EMP2: variants seen among roughly 807,000 people sequenced by gnomAD.
EMP2 encodes epithelial membrane protein 2.
In EMP2, 19 loss-of-function variants were observed where a neutral mutation model predicts 13.7. That is an observed-to-expected ratio of 1.38 (90% confidence interval 0.97 to 2.03). EMP2 has a LOEUF of 2.03. Ranked by LOEUF, EMP2 falls within the 30% of genes most tolerant of loss-of-function variation. EMP2 has a pLI of 0.00. For synonymous variants in EMP2, 97 were observed against 84.7 expected, an observed-to-expected ratio of 1.15 and a Z score of -0.80; for missense variants, 253 against 220.7, an observed-to-expected ratio of 1.15 and a Z score of -0.93.
At chr16:10,570,507 C>G (rs1173697771) in intron 1 of EMP2, among the ~76,000 whole-genome samples, 2 of 152,202 alleles carry the variant, frequency 1.3e-5, no homozygotes. Context: ...AAGCAATTCT[C>G]CTGCCTCAGC....
At chr16:10,553,986 ATCTTCAGAGGG>A (rs2050808562) in intron 1 of EMP2, among the ~76,000 whole-genome samples, 1 of 151,122 alleles carries the variant, frequency 6.6e-6, no homozygotes, top group African/African-American at 2.4e-5. Context: ...GTCAGCCCTG[ATCTTCAGAGGG>A]TCTTCAGACA....
chr16:10,529,391 T>C lies in EMP2; in HGVS notation c.*3514A>G, dbSNP rs964359334. ...ATTTCTTTCCAACTTCCCAAATGCA[T>C]GTCATACAGCAGGGAAGAGGCATCT... On this transcript the variant is annotated 3_prime_UTR_variant, in exon 5 of 5. Transcript: ENST00000359543. 1 of 152,156 alleles carries C rather than the reference T, an allele frequency of 6.6e-6. No individual in the cohort carries two copies. The highest frequency in any genetic ancestry group is 2.4e-5 in the African/African-American group (1 of 41,452). 9.4% of individuals were successfully genotyped at this position (152,156 alleles called of 1,614,324 possible).
Position 10,537,951 on chromosome 16 carries a change from G to T in EMP2, c.293C>A (p.Thr98Asn). The change falls in exon 4 of 5, where the codon ACC (threonine) becomes AAC (asparagine). Residue 98 changes from threonine to asparagine, a missense_variant. Coordinates refer to ENST00000359543, the MANE Select transcript of EMP2 (RefSeq NM_001424.6). ...RLKQGERFVL[T>N]SIIQLMSCLC... ...ACATGACATTAGCTGGATGATGGAG[G>T]TTAGGACAAACCTCTCTCCCTGCTT... is the stretch of plus-strand genomic sequence containing the variant. 6.2e-7 allele frequency: 1 copy of T among 1,614,136 alleles called. No individual in the cohort carries two copies. Among genetic ancestry groups the T allele is most frequent in the Non-Finnish European group, 8.5e-7 (1 of 1,180,026 alleles).
chr16:10,543,514 T>G, intron 3 of EMP2, 56 bp downstream of exon 3: 1 of 1,592,442 alleles, frequency 6.3e-7, no homozygotes, highest in Middle Eastern at 1.7e-4. Flanking sequence ...GCCTCACTCC[T>G]GACCGTTCCT....
intron 3 of EMP2, among the ~76,000 whole-genome samples, chr16:10,543,308 T>C (rs1004623249): frequency 5.9e-5 from 9 of 152,380 alleles, no homozygotes; most frequent in African/African-American, 2.2e-4. Context: ...AACTCGGCTG[T>C]GCCAAGAGGC....
intron 1 of EMP2, among the ~76,000 whole-genome samples, chr16:10,578,613 C>A (rs980281969): frequency 1.3e-5 from 2 of 152,224 alleles, no homozygotes; most frequent in African/African-American, 4.8e-5. Context: ...ACGCTTCCGC[C>A]TGGCCCTGCC....
intron 1 of EMP2, among the ~76,000 whole-genome samples, chr16:10,556,844 T>A (rs7186843): frequency 1.3e-5 from 2 of 152,188 alleles, no homozygotes; most frequent in Non-Finnish European, 2.9e-5. Context: ...GGCATTTTTA[T>A]ACGACTCTCT....
chr16:10,551,442 C>T (rs1326801037), intron 1 of EMP2, among the ~76,000 whole-genome samples: 7 of 152,222 alleles, frequency 4.6e-5, no homozygotes, highest in African/African-American at 7.2e-5. Flanking sequence ...AGTCTTGCTC[C>T]GTTGCCCAGG....
intron 2 of EMP2, among the ~76,000 whole-genome samples, chr16:10,543,962 C>T (rs2050720552): frequency 6.6e-6 from 1 of 152,086 alleles, no homozygotes; most frequent in Non-Finnish European, 1.5e-5. Context: ...TGGGCTCGAG[C>T]AATCCTCCCA....
chr16:10,544,848 A>G (rs7498152), intron 2 of EMP2: 2,233 of 152,310 alleles, frequency 0.015, 59 homozygotes, highest in African/African-American at 0.05. Flanking sequence ...TCGCAACACT[A>G]CACTCCAGCC....
chr16:10,564,708 T>A (rs2050895780), intron 1 of EMP2, among the ~76,000 whole-genome samples: 1 of 151,570 alleles, frequency 6.6e-6, no homozygotes, highest in South Asian at 2.1e-4. Flanking sequence ...ACCACCATTC[T>A]CAGAAAGGAA....
At chr16:10,538,526 G>C (rs1449407645) in intron 3 of EMP2, among the ~76,000 whole-genome samples, 1 of 152,172 alleles carries the variant, frequency 6.6e-6, no homozygotes, top group East Asian at 1.9e-4. Flanking sequence ...GAGGTGCTCT[G>C]TGGACTCCAC....
chr16:10,563,084 T>C (rs1340391748), intron 1 of EMP2, among the ~76,000 whole-genome samples: 1 of 152,158 alleles, frequency 6.6e-6, no homozygotes, highest in Non-Finnish European at 1.5e-5. Flanking sequence ...TCACACCCAT[T>C]AGTTTAGGAA....
chr16:10,556,370 A>T (rs1218165193), intron 1 of EMP2, among the ~76,000 whole-genome samples: 1 of 152,108 alleles, frequency 6.6e-6, no homozygotes, highest in Non-Finnish European at 1.5e-5. Context: ...GGTTGGCCTG[A>T]TTCTTTGCAG....
At chr16:10,570,793 G>A (rs1005757729) in intron 1 of EMP2, among the ~76,000 whole-genome samples, 4 of 151,934 alleles carry the variant, frequency 2.6e-5, no homozygotes, top group Admixed American at 1.3e-4. Context: ...CTCCTGCCTC[G>A]GCCTTCCAAA....
At chr16:10,533,163 C>T (rs1001024265) in intron 4 of EMP2, 71 bp from the exon 5 acceptor site, 9 of 1,282,990 alleles carry the variant, frequency 7.0e-6, no homozygotes, top group South Asian at 2.3e-5. Flanking sequence ...CAGGGGCATA[C>T]GGCCAGAGTT....
chr16:10,534,213 A>G (rs1282601316), intron 4 of EMP2, among the ~76,000 whole-genome samples: 2 of 152,114 alleles, frequency 1.3e-5, no homozygotes, highest in African/African-American at 4.8e-5. Flanking sequence ...TGCTTTAAAT[A>G]TTGTCGGGGC....
intron 1 of EMP2, among the ~76,000 whole-genome samples, chr16:10,555,017 G>C (rs1353420373): frequency 1.3e-5 from 2 of 152,066 alleles, no homozygotes; most frequent in Admixed American, 1.3e-4. Flanking sequence ...ACAGCTATTT[G>C]CTATCATTGT....
intron 1 of EMP2, among the ~76,000 whole-genome samples, chr16:10,574,576 T>G (rs1233363931): frequency 6.6e-6 from 1 of 151,468 alleles, no homozygotes; most frequent in Non-Finnish European, 1.5e-5. Flanking sequence ...TTTTTTTTTT[T>G]GAGATGGAGT....
Sources: gnomAD v4.1 joint callset for allele counts (sites outside exome capture counted in the v4.1 genomes callset) on GRCh38, gnomAD v4.1.1 for gene constraint, MANE v1.5 for transcripts, NCBI Gene and HGNC (gene_info 2026-07-23, HGNC 2026-07-21) for gene names.